Variants in SHISA9 observed in about 807,000 individuals in gnomAD.
SHISA9 encodes the protein shisa family member 9, also known as protein shisa-9.
SHISA9 carries 13 observed loss-of-function variants against 38.0 expected under a neutral mutation model. The observed-to-expected ratio is 0.34, with a 90% confidence interval of 0.22 to 0.54. The LOEUF (loss-of-function observed/expected upper bound fraction) is 0.54, where lower values mean the gene tolerates loss of function less well. SHISA9 is among the 20% of genes least tolerant of loss of function. The pLI, the probability that SHISA9 is intolerant of heterozygous loss-of-function variation, is 0.91. For missense variants in SHISA9, 538 were observed against 575.8 expected (o/e 0.93, Z 0.67); for synonymous variants, 275 against 242.0 (o/e 1.14, Z -1.27).
At chr16:13,338,945 A>G in the SHISA9 span, among the ~76,000 whole-genome samples, 1 of 152,192 alleles carries the variant, frequency 6.6e-6, no homozygotes. Context: ...TCAGAAGTAC[A>G]TGTATAATTC....
intron 2 of SHISA9, among the ~76,000 whole-genome samples, chr16:13,114,340 C>T (rs1208225152): frequency 6.6e-6 from 1 of 151,590 alleles, no homozygotes; most frequent in Non-Finnish European, 1.5e-5. Flanking sequence ...GTGGCGGGCG[C>T]CTGTAGTCCC....
chr16:13,286,512 A>G, the SHISA9 span, among the ~76,000 whole-genome samples: 1 of 152,218 alleles, frequency 6.6e-6, no homozygotes, highest in African/African-American at 2.4e-5. Flanking sequence ...CTCTGAGTGA[A>G]CCAATTGTCT....
At chr16:13,489,424 C>T in the SHISA9 span, among the ~76,000 whole-genome samples, 1 of 151,980 alleles carries the variant, frequency 6.6e-6, no homozygotes, top group South Asian at 2.1e-4. Context: ...TTTTTTTTCT[C>T]ACTTGATCCC....
the SHISA9 span, among the ~76,000 whole-genome samples, chr16:13,487,288 A>T: frequency 6.6e-6 from 1 of 152,246 alleles, no homozygotes. Flanking sequence ...ACAGAGAAAT[A>T]CCCGAGACTC....
chr16:13,291,086 C>T, the SHISA9 span, among the ~76,000 whole-genome samples: 2,068 of 152,260 alleles, frequency 0.014, 47 homozygotes, highest in African/African-American at 0.047. Flanking sequence ...CTGCAGTTGA[C>T]TGGCTGCTGT....
chr16:13,121,740 A>T (rs1157662503), intron 2 of SHISA9, among the ~76,000 whole-genome samples: 4 of 151,982 alleles, frequency 2.6e-5, no homozygotes, highest in African/African-American at 9.7e-5. Flanking sequence ...GCAATTTCAA[A>T]GCTTCATTTT....
At chr16:13,166,889 T>C (rs1222865984) in intron 2 of SHISA9, among the ~76,000 whole-genome samples, 1 of 152,058 alleles carries the variant, frequency 6.6e-6, no homozygotes, top group Non-Finnish European at 1.5e-5. Context: ...AATACCTACG[T>C]GATGGGTCGA....
chr16:13,191,156 A>C (rs1452484072), intron 2 of SHISA9, among the ~76,000 whole-genome samples: 1 of 152,224 alleles, frequency 6.6e-6, no homozygotes, highest in African/African-American at 2.4e-5. Flanking sequence ...TGCTGGCATA[A>C]AGATTTGGAA....
At chr16:13,369,805 T>C in the SHISA9 span, among the ~76,000 whole-genome samples, 1 of 152,246 alleles carries the variant, frequency 6.6e-6, no homozygotes, top group East Asian at 1.9e-4. Flanking sequence ...TCACAGGGGC[T>C]AGCCGGGTCA....
chr16:13,067,359 A>C (rs914050771), intron 2 of SHISA9, among the ~76,000 whole-genome samples: 11 of 152,236 alleles, frequency 7.2e-5, no homozygotes, highest in African/African-American at 1.9e-4. Flanking sequence ...ACTCAAGTTC[A>C]CATGTGATTC....
At chr16:13,079,012 T>C (rs1476635404) in intron 2 of SHISA9, among the ~76,000 whole-genome samples, 1 of 152,236 alleles carries the variant, frequency 6.6e-6, no homozygotes, top group Non-Finnish European at 1.5e-5. Flanking sequence ...GTTTGAATCT[T>C]GCTAAGTGAC....
At chr16:12,940,449 C>T (rs573959126) in intron 2 of SHISA9, among the ~76,000 whole-genome samples, 1 of 147,410 alleles carries the variant, frequency 6.8e-6, no homozygotes, top group Non-Finnish European at 1.5e-5. Context: ...TCTCTCTCTT[C>T]TCACCTCACT....
the SHISA9 span, among the ~76,000 whole-genome samples, chr16:13,507,193 A>ATAT: frequency 1.3e-5 from 2 of 151,790 alleles, no homozygotes; most frequent in Admixed American, 6.6e-5. Flanking sequence ...AATATTTTTT[A>ATAT]TATTATTATT....
the SHISA9 span, among the ~76,000 whole-genome samples, chr16:13,353,235 T>A: frequency 6.6e-6 from 1 of 152,066 alleles, no homozygotes; most frequent in Admixed American, 6.5e-5. Context: ...AAGAAACAGT[T>A]GTTGTATAGA....
chr16:13,137,853 C>T (rs947915302), intron 2 of SHISA9, among the ~76,000 whole-genome samples: 6 of 152,184 alleles, frequency 3.9e-5, no homozygotes, highest in Non-Finnish European at 7.3e-5. Context: ...CTTCCTATGG[C>T]TTTGTCCAGC....
chr16:13,549,925 A>G, the SHISA9 span, among the ~76,000 whole-genome samples: 89 of 152,022 alleles, frequency 5.9e-4, no homozygotes, highest in African/African-American at 2.1e-3. Context: ...TGGGAGGCTG[A>G]GGCAGGAGAA....
At position 13,015,904 on chromosome 16, in the gene SHISA9, T is replaced by TTCTTTCTTTCTC. The variant is rs1416111724; in HGVS notation, c.691+99094_691+99095insCTTTCTCTCTTT. 2.2e-3 allele frequency among the ~76,000 whole-genome samples: 264 copies of TTCTTTCTTTCTC among 120,270 alleles called. 4 individuals carry two copies. Among genetic ancestry groups the TTCTTTCTTTCTC allele is most frequent in the East Asian group, 4.5e-3 (18 of 4,026 alleles). The allele number at this position is 120,270 out of a possible 152,430, so 78.9% of individuals were successfully genotyped here. On this transcript the variant is annotated intron_variant, in intron 2 of 4. Transcript: ENST00000558583. ...TTTCTTTCTTTCTTTCTTTCTTTCT[T>TTCTTTCTTTCTC]TCTTTTCTTTCTTTCTCCTTCCTTC...
chr16:12,909,221 T>G (rs914694860), intron 1 of SHISA9: 1 of 985,558 alleles, frequency 1.0e-6, no homozygotes, highest in Non-Finnish European at 1.2e-6. Context: ...ATCAACTTCA[T>G]TGAAGTATAA....
chr16:13,020,524 C>T (rs1260188021), intron 2 of SHISA9, among the ~76,000 whole-genome samples: 1 of 152,134 alleles, frequency 6.6e-6, no homozygotes, highest in Non-Finnish European at 1.5e-5. Context: ...TCCATGGTGT[C>T]TCTTCTTATT....
Sources: allele counts gnomAD v4.1 joint callset (sites outside exome capture counted in the v4.1 genomes callset), GRCh38; gene constraint gnomAD v4.1.1; transcripts MANE v1.5; gene names NCBI Gene and HGNC (gene_info 2026-07-23, HGNC 2026-07-21).